Variants in PAPLN observed in about 807,000 individuals in gnomAD.
PAPLN encodes papilin, proteoglycan like sulfated glycoprotein.
Under a neutral mutation model 159.0 loss-of-function variants are expected in PAPLN, and 146 were observed. The ratio of observed to expected loss-of-function variants is 0.92; its 90% CI spans 0.80 to 1.05. The LOEUF is 1.05. Among genes scored for constraint, PAPLN ranks in the 50% least tolerant of loss-of-function variants. The pLI, the probability that PAPLN is intolerant of heterozygous loss-of-function variation, is 0.00. For synonymous variants in PAPLN, 734 were observed against 702.9 expected, an observed-to-expected ratio of 1.04 and a Z score of -0.70; for missense variants, 1,720 against 1,743.9, an observed-to-expected ratio of 0.99 and a Z score of 0.24.
In PAPLN at chr14:73,261,268, A is replaced by T. The variant is rs749685493; in HGVS notation, c.2219A>T (p.Glu740Val). 1.9e-6 allele frequency: 3 copies of T among 1,613,576 alleles called. No homozygotes were observed. The highest frequency in any genetic ancestry group is 1.7e-4 in the Middle Eastern group (1 of 6,060). ...GCCACTGCAGCCGGTCCTCTTGGGG[A>T]AGGCTGTGTGGGCCAGCCCAGCCAT... ...NVATAAGPLG[E>V]GCVGQPSHAY... Residue 740 changes from glutamate (E) to valine (V), a missense_variant, in exon 18 of 27, where the codon GAA becomes GTA. Transcript: ENST00000644200.
At chr14:73,244,813 C>A in intron 3 of PAPLN, 54 bp downstream of exon 3, 1 of 1,397,504 alleles carries the variant, frequency 7.2e-7, no homozygotes, top group South Asian at 1.4e-5. Flanking sequence ...GGGATGCTGC[C>A]TTCTGGGTGG....
Position 73,262,450 on chromosome 14 carries a change from C to T in PAPLN, c.2346C>T (p.Phe782=), listed in dbSNP as rs1019889308. 42 of 1,613,466 alleles carry T rather than the reference C, an allele frequency of 2.6e-5. No homozygotes were observed. The highest frequency in any genetic ancestry group is 3.6e-5 in the Non-Finnish European group (42 of 1,179,700). ...CCTCTGTGGGCCAATGTAACCGCTT[C>T]TGGTATGGCGGCTGCCATGGCAATG... ...FVASVGQCNR[F]WYGGCHGNAN... is the part of the protein sequence containing the mutation. The change falls in exon 19 of 27, where the codon TTC becomes TTT. Residue 782 remains phenylalanine (F), a synonymous_variant. Transcript: ENST00000644200.
intron 14 of PAPLN, among the ~76,000 whole-genome samples, chr14:73,257,145 G>T (rs1169695715): frequency 1.3e-5 from 2 of 151,910 alleles, no homozygotes; most frequent in African/African-American, 2.4e-5. Flanking sequence ...CTAATTTTTT[G>T]ATTTTTTGTT....
chr14:73,247,232 G>T (rs1884506275), intron 5 of PAPLN, among the ~76,000 whole-genome samples: 1 of 152,154 alleles, frequency 6.6e-6, no homozygotes, highest in Admixed American at 6.5e-5. Flanking sequence ...GAGATGGTCT[G>T]TGCACCTCTG....
chr14:73,240,798 A>G (rs1483701113), intron 2 of PAPLN, among the ~76,000 whole-genome samples: 1 of 152,058 alleles, frequency 6.6e-6, no homozygotes, highest in Non-Finnish European at 1.5e-5. Context: ...CACAGGCCCC[A>G]CCTTTGGGGA....
In PAPLN at chr14:73,252,012, T is replaced by C; in HGVS notation, c.844-6T>C. On this transcript the variant is annotated splice_region_variant and splice_polypyrimidine_tract_variant and intron_variant, in intron 9 of 26. Transcript: ENST00000644200. ...GCAGACCCCAACAAGGACTCTCCCG[T>C]GACAGCTCATCAGCCAGGAGCCCAA... 6.2e-7 allele frequency: 1 copy of C among 1,604,606 alleles called. No individual in the cohort carries two copies. The highest frequency in any genetic ancestry group is 8.5e-7 in the Non-Finnish European group (1 of 1,174,774).
At position 73,250,105 on chromosome 14, in the gene PAPLN, C is replaced by T; in HGVS notation, c.456C>T (p.Gly152=). The part of the protein sequence containing the change: ...EPGKRDVCVD[G]SCRVVGCDHE... Reference sequence around the variant, plus strand: ...GCAAGAGGGATGTCTGTGTGGATGGCAGCTGCCGGGTGAGTGGTGCCCCAG... The same window carrying T: ...GCAAGAGGGATGTCTGTGTGGATGGTAGCTGCCGGGTGAGTGGTGCCCCAG... Residue 152 remains glycine, a synonymous_variant, in exon 6 of 27, where the codon GGC becomes GGT. Transcript: ENST00000644200. The T allele has an allele frequency of 6.2e-7, 1 of 1,608,214 alleles. No individual in the cohort carries two copies. Among genetic ancestry groups the T allele is most frequent in the African/African-American group, 1.3e-5 (1 of 74,954 alleles).
chr14:73,273,295 T>TGA lies in PAPLN; in HGVS notation c.*631_*632insGA, dbSNP rs201209580. 9.6e-5 allele frequency: 13 copies of TGA among 135,688 alleles called. No homozygotes were observed. The highest frequency in any genetic ancestry group is 1.9e-4 in the Non-Finnish European group (11 of 59,258). 8.4% of individuals were successfully genotyped at this position (135,688 alleles called of 1,614,324 possible). Reference sequence around the variant, plus strand: ...ACGCCCAGCCATCAATGCATTTTTTTTATTTTTTTTTTGAGACAGAGTTTC... The same window carrying TGA: ...ACGCCCAGCCATCAATGCATTTTTTTGATATTTTTTTTTTGAGACAGAGTTTC... On this transcript the variant is annotated 3_prime_UTR_variant, in exon 27 of 27. Coordinates refer to ENST00000644200, the MANE Select transcript of PAPLN (RefSeq NM_001365906.3).
At chr14:73,258,828 G>A (rs1271752642) in intron 14 of PAPLN, 151 bp from the exon 15 acceptor site, 6 of 608,592 alleles carry the variant, frequency 9.9e-6, no homozygotes, top group Non-Finnish European at 1.6e-5. Context: ...GAAATCCTGG[G>A]TCATGCTCCT....
Position 73,245,990 on chromosome 14 carries a change from G to A in PAPLN, c.232-83G>A. ...TGGGGCAGGCAAGGGAGACTCCTGG[G>A]CTCCCTGGGCTCGGGCGGGGCGGGA... On this transcript the variant is annotated intron_variant, in intron 4 of 26. Transcript: ENST00000644200. This position sits in a 1 kb window ranked among gnomAD's most constrained non-coding sequence, Gnocchi z 4.2. 2 of 1,337,262 alleles carry A rather than the reference G, an allele frequency of 1.5e-6. No individual in the cohort carries two copies. The highest frequency in any genetic ancestry group is 2.6e-5 in the East Asian group (1 of 37,874). The allele number at this position is 1,337,262 out of a possible 1,614,324, so 82.8% of individuals were successfully genotyped here.
At chr14:73,266,986 TACAGAGCAAA>T (rs1210896587) in intron 25 of PAPLN, among the ~76,000 whole-genome samples, 155 bp downstream of exon 25, 14 of 152,184 alleles carry the variant, frequency 9.2e-5, no homozygotes, top group Admixed American at 7.2e-4. Context: ...CCCTCATCCC[TACAGAGCAAA>T]GCTCTGTAGG....
chr14:73,254,775 C>G (rs1363571602), intron 13 of PAPLN, 80 bp downstream of exon 13: 4 of 1,590,054 alleles, frequency 2.5e-6, no homozygotes, highest in Non-Finnish European at 3.4e-6. Flanking sequence ...GTCCTTGGAC[C>G]TGACACGCGC....
At position 73,260,748 on chromosome 14, in the gene PAPLN, G is replaced by T; in HGVS notation, c.2025G>T (p.Gly675=). 6.8e-7 allele frequency: 1 copy of T among 1,476,336 alleles called. No homozygotes were observed. The highest frequency in any genetic ancestry group is 1.5e-5 in the South Asian group (1 of 67,670). The allele number at this position is 1,476,336 out of a possible 1,614,324, so 91.5% of individuals were successfully genotyped here. Residue 675 remains glycine (G), a synonymous_variant, in exon 17 of 27, where the codon GGG becomes GGT. Transcript: ENST00000644200. ...CTGACAGGGTATCTGTCGCTGAGGG[G>T]CCCCATCACGCTGGCTGCACAAAGT... ...CCPDRVSVAE[G]PHHAGCTKSY... is the part of the protein sequence containing the mutation.
At chr14:73,262,095 G>T in intron 18 of PAPLN, 1 of 444,198 alleles carries the variant, frequency 2.3e-6, no homozygotes, top group South Asian at 5.2e-5. Context: ...AGGGAGCCCT[G>T]GCCCTGACCT....
intron 11 of PAPLN, chr14:73,253,072 G>A (rs936717047): frequency 2.3e-6 from 3 of 1,313,380 alleles, no homozygotes; most frequent in Admixed American, 1.9e-5. Flanking sequence ...AGCCAGCAGA[G>A]GGTTTGGCTT....
At chr14:73,253,278 C>T (rs926745531) in intron 11 of PAPLN, 7 of 1,341,006 alleles carry the variant, frequency 5.2e-6, no homozygotes, top group Non-Finnish European at 6.9e-6. Context: ...CCTGTCACCG[C>T]TTGGCCTTGG....
intron 25 of PAPLN, among the ~76,000 whole-genome samples, chr14:73,267,889 CAT>C (rs1887376429): frequency 6.6e-6 from 1 of 152,198 alleles, no homozygotes; most frequent in Non-Finnish European, 1.5e-5. Flanking sequence ...CCTATGCTGA[CAT>C]AGTGTCCCCT....
chr14:73,259,180 G>A, intron 15 of PAPLN, 89 bp from the exon 16 acceptor site: 1 of 1,525,416 alleles, frequency 6.6e-7, no homozygotes, highest in Non-Finnish European at 8.8e-7. Flanking sequence ...AATGGTCCAG[G>A]GGACGGAGGA....
At chr14:73,267,485 G>C (rs1887339776) in intron 25 of PAPLN, among the ~76,000 whole-genome samples, 1 of 152,204 alleles carries the variant, frequency 6.6e-6, no homozygotes, top group Non-Finnish European at 1.5e-5. Flanking sequence ...TGCTGTCTGT[G>C]CACAGAGGAG....
Sources: allele counts gnomAD v4.1 joint callset (sites outside exome capture counted in the v4.1 genomes callset), GRCh38; gene constraint gnomAD v4.1.1; non-coding constraint Gnocchi (gnomAD v3.1); transcripts MANE v1.5; gene names NCBI Gene and HGNC (gene_info 2026-07-23, HGNC 2026-07-21).